The following ENOX2 variants were observed in gnomAD, a reference collection of about 807,000 sequenced individuals.
The protein encoded by ENOX2 is APK1 antigen.
In ENOX2, 36 loss-of-function variants were observed where a neutral mutation model predicts 45.0. The ratio of observed to expected loss-of-function variants is 0.80; its 90% confidence interval spans 0.61 to 1.06. ENOX2 has a LOEUF of 1.06. ENOX2 is among the 50% of genes least tolerant of loss of function. ENOX2 has a pLI of 0.00. For synonymous variants in ENOX2, 174 were observed against 152.3 expected, an observed-to-expected ratio of 1.14 and a Z score of -1.05; for missense variants, 423 against 462.5, an observed-to-expected ratio of 0.91 and a Z score of 0.78.
intron 3 of ENOX2, among the ~76,000 whole-genome samples, chrX:130,731,347 C>T (rs1316572208): frequency 8.9e-6 from 1 of 112,067 alleles, no homozygotes; most frequent in African/African-American, 3.2e-5. Context: ...TCTTCTGTTG[C>T]CTTATTCTCT....
At chrX:130,634,951 G>A in intron 12 of ENOX2, 33 bp downstream of exon 12, 1 of 786,320 alleles carries the variant, frequency 1.3e-6, no homozygotes, top group East Asian at 3.2e-5. Context: ...AGGTAAAGGG[G>A]CAAGGAAAAA....
intron 2 of ENOX2, among the ~76,000 whole-genome samples, chrX:130,868,507 G>A (rs1458184673): frequency 1.8e-5 from 2 of 111,464 alleles, no homozygotes; most frequent in Non-Finnish European, 3.8e-5. Context: ...TCTTGGGCTC[G>A]GAGCCCCCGG....
intron 2 of ENOX2, among the ~76,000 whole-genome samples, chrX:130,788,182 C>A (rs1206261382): frequency 1.8e-5 from 2 of 111,891 alleles, no homozygotes; most frequent in African/African-American, 6.5e-5. Flanking sequence ...AAAAAGAAAA[C>A]CACCACTTTA....
At chrX:130,656,747 G>A in intron 9 of ENOX2, 52 bp from the exon 10 acceptor site, 1 of 695,853 alleles carries the variant, frequency 1.4e-6, no homozygotes. Context: ...AAATGTTGAG[G>A]AAATGAATGG....
At chrX:130,770,178 C>T in intron 3 of ENOX2, among the ~76,000 whole-genome samples, 1 of 112,145 alleles carries the variant, frequency 8.9e-6, no homozygotes, top group East Asian at 2.8e-4. Context: ...CAGGTGTGTT[C>T]TGCTACCCTA....
chrX:130,721,303 C>A (rs1333330949), intron 3 of ENOX2, among the ~76,000 whole-genome samples: 1 of 111,707 alleles, frequency 9.0e-6, no homozygotes, highest in Non-Finnish European at 1.9e-5. Context: ...CTGAAGAGAG[C>A]GAGTCACATA....
rs769259667 is a variant in ENOX2, at chrX:130,646,783, G to GA, written c.1130-9374dup. 1.2e-4 allele frequency among the ~76,000 whole-genome samples: 13 copies of GA among 112,363 alleles called. 1 individual carries two copies. The highest frequency in any genetic ancestry group is 2.4e-4 in the Non-Finnish European group (13 of 53,263). On this transcript the variant is annotated intron_variant, in intron 10 of 14. Coordinates refer to ENST00000394363, the MANE Select transcript of ENOX2 (RefSeq NM_006375.4). ...AGGAAAATGCCTTGCCCTTCTAGTT[G>GA]AATATGTTCAAGGAAATTATTTTTG...
At chrX:130,863,993 G>T (rs2078451012) in intron 2 of ENOX2, among the ~76,000 whole-genome samples, 1 of 110,684 alleles carries the variant, frequency 9.0e-6, no homozygotes, top group Non-Finnish European at 1.9e-5. Context: ...TGGGTTTGTA[G>T]TTGTAAGAGT....
intron 3 of ENOX2, among the ~76,000 whole-genome samples, chrX:130,724,739 GT>G (rs1301901040): frequency 6.3e-5 from 7 of 111,780 alleles, no homozygotes; most frequent in African/African-American, 2.0e-4. Context: ...AAACACAAAG[GT>G]TAAGATGTGT....
At chrX:130,846,756 A>C (rs1198014173) in intron 2 of ENOX2, among the ~76,000 whole-genome samples, 1 of 112,933 alleles carries the variant, frequency 8.9e-6, no homozygotes, top group Non-Finnish European at 1.9e-5. Flanking sequence ...TGAGGTATCC[A>C]TGTACCATCA....
intron 3 of ENOX2, among the ~76,000 whole-genome samples, chrX:130,732,182 C>G (rs142358795): frequency 2.0e-3 from 224 of 111,758 alleles, no homozygotes; most frequent in African/African-American, 6.9e-3. Context: ...ATAGAAAAAT[C>G]AGTTGCATTT....
At chrX:130,645,696 GCAGCCGCGCCCCA>G in intron 10 of ENOX2, 1 of 617,203 alleles carries the variant, frequency 1.6e-6, no homozygotes, top group Admixed American at 3.4e-5. Context: ...TCATGCCCCA[GCAGCCGCGCCCCA>G]CATCCACGCT....
At chrX:130,840,246 G>C (rs1055423102) in intron 2 of ENOX2, among the ~76,000 whole-genome samples, 5 of 111,450 alleles carry the variant, frequency 4.5e-5, no homozygotes, top group Admixed American at 9.6e-5. Context: ...GTGAATTTTA[G>C]ATGAAGTACA....
chrX:130,892,812 T>G (rs1346998956), intron 2 of ENOX2, among the ~76,000 whole-genome samples: 1 of 112,489 alleles, frequency 8.9e-6, no homozygotes, highest in Non-Finnish European at 1.9e-5. Context: ...TTCATCTAGT[T>G]AATGATATGC....
intron 2 of ENOX2, among the ~76,000 whole-genome samples, chrX:130,810,873 T>C (rs978253000): frequency 4.5e-5 from 5 of 111,782 alleles, no homozygotes; most frequent in Admixed American, 9.3e-5. Flanking sequence ...CCATCTCCAC[T>C]AGCTCCAGGA....
chrX:130,748,231 C>T (rs1194909914), intron 3 of ENOX2, among the ~76,000 whole-genome samples: 1 of 112,109 alleles, frequency 8.9e-6, no homozygotes, highest in Non-Finnish European at 1.9e-5. Flanking sequence ...TTATTATGTG[C>T]TAGATACTGT....
chrX:130,822,835 G>A (rs2077643947), intron 2 of ENOX2, among the ~76,000 whole-genome samples: 2 of 112,157 alleles, frequency 1.8e-5, no homozygotes, highest in South Asian at 3.7e-4. Flanking sequence ...TGGGTTTTGT[G>A]TTAGGTGATT....
chrX:130,826,912 C>T (rs2077729843), intron 2 of ENOX2, among the ~76,000 whole-genome samples: 2 of 111,737 alleles, frequency 1.8e-5, no homozygotes, highest in Admixed American at 9.5e-5. Context: ...ATAAAACAGC[C>T]TGTGTGTTGA....
chrX:130,707,269 G>A (rs1299098443), intron 3 of ENOX2, among the ~76,000 whole-genome samples: 2 of 111,594 alleles, frequency 1.8e-5, no homozygotes, highest in Non-Finnish European at 3.8e-5. Context: ...GTTCTCAAGA[G>A]GTCAGAGATT....
Sources: gnomAD v4.1 joint callset for allele counts (sites outside exome capture counted in the v4.1 genomes callset) on GRCh38, gnomAD v4.1.1 for gene constraint, MANE v1.5 for transcripts, NCBI Gene and HGNC (gene_info 2026-07-23, HGNC 2026-07-21) for gene names.